The following SRGAP2 variants were observed in gnomAD, a reference collection of about 807,000 sequenced individuals.
SRGAP2 encodes the protein SLIT-ROBO Rho GTPase-activating protein 2.
Under a neutral mutation model 57.2 loss-of-function variants are expected in SRGAP2, and 15 were observed. The observed-to-expected ratio is 0.26, with a 90% CI of 0.18 to 0.40. SRGAP2 has a LOEUF of 0.40. Ranked by LOEUF, SRGAP2 falls within the 10% of genes least tolerant of loss-of-function variation. The probability of loss-of-function intolerance (pLI) is 1.00; values close to 1 mark genes in which losing one functional copy is unlikely to be tolerated. For missense variants in SRGAP2, 520 were observed against 669.6 expected, an observed-to-expected ratio of 0.78 and a Z score of 2.47; for synonymous variants, 249 against 248.0, an observed-to-expected ratio of 1.00 and a Z score of -0.04.
chr1:206,457,231 G>A (rs1352928681), intron 21 of SRGAP2, among the ~76,000 whole-genome samples: 2 of 152,116 alleles, frequency 1.3e-5, no homozygotes, highest in Non-Finnish European at 2.9e-5. Flanking sequence ...AGAGCTATTA[G>A]GGTGTGGCAC....
intron 2 of SRGAP2, among the ~76,000 whole-genome samples, chr1:206,267,863 T>C (rs1669956488): frequency 6.7e-6 from 1 of 149,008 alleles, no homozygotes; most frequent in Non-Finnish European, 1.5e-5. Flanking sequence ...TTATGCAGAG[T>C]GAATAGAAAA....
chr1:206,307,574 G>C (rs1250161247), intron 3 of SRGAP2, among the ~76,000 whole-genome samples: 2 of 152,218 alleles, frequency 1.3e-5, no homozygotes, highest in Non-Finnish European at 2.9e-5. Flanking sequence ...GACATGGCGG[G>C]CTGCAGGTCC....
At chr1:206,397,416 A>G (rs574899024) in intron 7 of SRGAP2, among the ~76,000 whole-genome samples, 79 of 152,262 alleles carry the variant, frequency 5.2e-4, no homozygotes, top group African/African-American at 1.8e-3. Context: ...GTTGCAGTCC[A>G]TTGCCATCTG....
chr1:206,314,023 G>A (rs1365353979), intron 3 of SRGAP2, among the ~76,000 whole-genome samples: 3 of 151,292 alleles, frequency 2.0e-5, no homozygotes, highest in Non-Finnish European at 4.4e-5. Context: ...AAAGAGGTCT[G>A]TAAAGTGTCT....
intron 4 of SRGAP2, among the ~76,000 whole-genome samples, chr1:206,358,996 T>G (rs1676682507): frequency 6.6e-6 from 1 of 152,082 alleles, no homozygotes; most frequent in South Asian, 2.1e-4. Context: ...AAAAACAGAT[T>G]CATGAAAAGT....
intron 3 of SRGAP2, among the ~76,000 whole-genome samples, chr1:206,314,299 T>A (rs1268681766): frequency 6.6e-6 from 1 of 152,108 alleles, no homozygotes; most frequent in East Asian, 1.9e-4. Context: ...GACGCCAGGC[T>A]AATTTTGTAT....
intron 1 of SRGAP2, 147 bp downstream of exon 1, chr1:206,203,797 C>G: frequency 6.5e-7 from 1 of 1,532,108 alleles, no homozygotes. Context: ...TCCCTCAGAC[C>G]GCCCCCCCTC....
chr1:206,310,236 T>G (rs1357939276), intron 3 of SRGAP2, among the ~76,000 whole-genome samples: 1 of 151,334 alleles, frequency 6.6e-6, no homozygotes, highest in Non-Finnish European at 1.5e-5. Flanking sequence ...ATAGAACATA[T>G]GTACAAATGC....
At chr1:206,248,909 T>C (rs1289747383) in intron 2 of SRGAP2, among the ~76,000 whole-genome samples, 4 of 151,050 alleles carry the variant, frequency 2.6e-5, no homozygotes, top group African/African-American at 9.7e-5. Context: ...CTTGCCTCCT[T>C]CTGTCTACTC....
intron 2 of SRGAP2, among the ~76,000 whole-genome samples, chr1:206,208,832 G>A (rs1346248887): frequency 3.9e-5 from 6 of 151,934 alleles, no homozygotes; most frequent in African/African-American, 2.4e-5. Flanking sequence ...GTTGTTAAGT[G>A]CAATTTTTAG....
Position 206,295,262 on chromosome 1 carries a change from C to T in SRGAP2, c.68-8019C>T, listed in dbSNP as rs1441642484. ...TTTTTGAGATGGAGTCTCTCCCTGT[C>T]GCCCAGGCTGGAGTGCAATGGTGTG... is the stretch of plus-strand genomic sequence containing the variant. On this transcript the variant is annotated intron_variant, in intron 2 of 22. Coordinates refer to ENST00000573034, the MANE Select transcript of SRGAP2 (RefSeq NM_015326.5). Among the ~76,000 whole-genome samples the T allele has an allele frequency of 7.9e-5, 12 of 152,128 alleles. No individual in the cohort carries two copies. The East Asian group carries it at 9.6e-4, about 12-fold the overall frequency.
chr1:206,417,852 G>A (rs1342571878), intron 11 of SRGAP2, among the ~76,000 whole-genome samples: 1 of 151,816 alleles, frequency 6.6e-6, no homozygotes, highest in Admixed American at 6.6e-5. Flanking sequence ...TTTGCTTATA[G>A]AAAATCTTTA....
rs538562176 is a variant in SRGAP2 at position 206,203,740 on chromosome 1, G to C, written c.-543+90G>C. 5 of 1,426,926 alleles carry C rather than the reference G, an allele frequency of 3.5e-6. No individual in the cohort carries two copies. The Admixed American group carries it at 1.0e-4, about 28-fold the overall frequency. 88.4% of individuals were successfully genotyped at this position (1,426,926 alleles called of 1,614,324 possible). A position where few individuals can be genotyped will look rare whatever the true frequency, so the allele number is the denominator to read the frequency against. ...AACCGGGGCTGGGGCGGGAAGGAGA[G>C]GGCGCGGATGCTGCTCGCGGCATCG... On this transcript the variant is annotated intron_variant, in intron 1 of 22. Coordinates refer to ENST00000573034, the MANE Select transcript of SRGAP2 (RefSeq NM_015326.5).
At chr1:206,430,918 A>T (rs531099039) in intron 14 of SRGAP2, among the ~76,000 whole-genome samples, 2 of 152,354 alleles carry the variant, frequency 1.3e-5, no homozygotes, top group South Asian at 4.1e-4. Context: ...TAGAGTGTTT[A>T]TAAAGGACAG....
At chr1:206,231,996 T>C (rs1667669520) in intron 2 of SRGAP2, among the ~76,000 whole-genome samples, 1 of 151,556 alleles carries the variant, frequency 6.6e-6, no homozygotes, top group South Asian at 2.1e-4. Context: ...CTGCGTTTTC[T>C]TTCCGTTTCC....
In SRGAP2 at chr1:206,454,379, G is replaced by A. The variant is rs1388681189; in HGVS notation, c.2361-499G>A. ...GGCCAGGAGAGCAGTGGAGAGACCT[G>A]GGACCGGCTTGGATGCTCTGAGCGG... On this transcript the variant is annotated intron_variant, in intron 20 of 22. Transcript: ENST00000573034. This position sits in a 1 kb window ranked among gnomAD's most constrained non-coding sequence, Gnocchi z 4.3. 1.7e-6 allele frequency: 1 copy of A among 597,330 alleles called. No homozygotes were observed. The highest frequency in any genetic ancestry group is 3.0e-6 in the Non-Finnish European group (1 of 335,942). 37.0% of individuals were successfully genotyped at this position (597,330 alleles called of 1,614,324 possible). A position where few individuals can be genotyped will look rare whatever the true frequency, so the allele number is the denominator to read the frequency against.
intron 14 of SRGAP2, among the ~76,000 whole-genome samples, chr1:206,432,123 G>A (rs1661327042): frequency 6.6e-6 from 1 of 152,220 alleles, no homozygotes; most frequent in Admixed American, 6.5e-5. Context: ...GAAGGAGACA[G>A]GAAGCAACTG....
intron 3 of SRGAP2, among the ~76,000 whole-genome samples, chr1:206,325,201 C>T (rs544928970): frequency 6.6e-6 from 1 of 152,098 alleles, no homozygotes; most frequent in Admixed American, 6.5e-5. Context: ...GACTTTAAAA[C>T]ATTTTGATCA....
rs534563554 is a variant in SRGAP2 at position 206,353,517 on chromosome 1, C to T, written c.423+10509C>T. On this transcript the variant is annotated intron_variant, in intron 4 of 22. Transcript: ENST00000573034. ...CAAAAATTAGCTGGGCATGGTGGTA[C>T]GTGCCTGTAATCCCAGCTGCTCAGG... is the stretch of plus-strand genomic sequence containing the variant. 3.0e-3 allele frequency among the ~76,000 whole-genome samples: 452 copies of T among 151,868 alleles called. 2 individuals carry two copies. The highest frequency in any genetic ancestry group is 0.01 in the African/African-American group (433 of 41,362).
Sources: allele counts gnomAD v4.1 joint callset (sites outside exome capture counted in the v4.1 genomes callset), GRCh38; gene constraint gnomAD v4.1.1; non-coding constraint Gnocchi (gnomAD v3.1); transcripts MANE v1.5; gene names NCBI Gene and HGNC (gene_info 2026-07-23, HGNC 2026-07-21).